The following ANKS1B variants were observed in gnomAD, a reference collection of about 807,000 sequenced individuals.
The protein encoded by ANKS1B is ankyrin repeat and sterile alpha motif domain-containing protein 1B.
In ANKS1B, 36 loss-of-function variants were observed where a neutral mutation model predicts 148.3. The ratio of observed to expected loss-of-function variants is 0.24; its 90% confidence interval spans 0.19 to 0.32. The LOEUF is 0.32. Among genes scored for constraint, ANKS1B ranks in the 10% least tolerant of loss-of-function variants. The pLI is 1.00. For synonymous variants in ANKS1B, 542 were observed against 560.8 expected (o/e 0.97, Z 0.47); for missense variants, 1,157 against 1,542.6 (o/e 0.75, Z 4.19).
intron 11 of ANKS1B, among the ~76,000 whole-genome samples, chr12:99,435,709 G>A (rs1199138861): frequency 1.3e-5 from 2 of 151,950 alleles, no homozygotes; most frequent in Admixed American, 6.6e-5. Flanking sequence ...ACAGAAGAAA[G>A]GTTGGAACTA....
intron 25 of ANKS1B, among the ~76,000 whole-genome samples, chr12:98,769,528 T>C (rs757960585): frequency 3.9e-5 from 6 of 152,130 alleles, no homozygotes; most frequent in Admixed American, 1.3e-4. Context: ...AAAAGATAAA[T>C]GTTAAGGCAA....
chr12:99,296,626 T>C (rs1461800583), intron 12 of ANKS1B, among the ~76,000 whole-genome samples: 5 of 152,174 alleles, frequency 3.3e-5, no homozygotes, highest in Non-Finnish European at 7.4e-5. Flanking sequence ...ACAGCATTAA[T>C]TATCATCAGA....
chr12:99,166,350 A>G (rs1371458426), intron 14 of ANKS1B, among the ~76,000 whole-genome samples: 1 of 151,942 alleles, frequency 6.6e-6, no homozygotes, highest in Admixed American at 6.6e-5. Context: ...CTATTCCCAC[A>G]TGACATGATT....
At chr12:99,409,517 G>C (rs894985547) in intron 11 of ANKS1B, among the ~76,000 whole-genome samples, 5 of 151,928 alleles carry the variant, frequency 3.3e-5, no homozygotes, top group Admixed American at 1.3e-4. Flanking sequence ...TGAATTATGG[G>C]TAATACAAAG....
chr12:98,934,329 C>T (rs1405995703), intron 17 of ANKS1B, among the ~76,000 whole-genome samples: 1 of 151,952 alleles, frequency 6.6e-6, no homozygotes, highest in East Asian at 1.9e-4. Context: ...TTTCTGGGCT[C>T]TTTATTCTAC....
intron 17 of ANKS1B, among the ~76,000 whole-genome samples, chr12:98,833,108 G>A (rs1002229585): frequency 3.9e-5 from 6 of 152,142 alleles, no homozygotes; most frequent in African/African-American, 1.4e-4. Flanking sequence ...CTCTCAAAGG[G>A]AACTGAGAAT....
At chr12:99,572,420 G>C (rs935348480) in intron 9 of ANKS1B, among the ~76,000 whole-genome samples, 20 of 152,120 alleles carry the variant, frequency 1.3e-4, no homozygotes, top group African/African-American at 4.8e-4. Context: ...ATGCCAGGCA[G>C]TCCAGTGGGT....
chr12:99,932,967 A>T (rs991432494), intron 1 of ANKS1B, among the ~76,000 whole-genome samples: 3 of 152,132 alleles, frequency 2.0e-5, no homozygotes, highest in African/African-American at 7.2e-5. Flanking sequence ...GTCCAGTTTC[A>T]TTCTTGTGCA....
At chr12:99,455,741 C>T (rs535505958) in intron 10 of ANKS1B, among the ~76,000 whole-genome samples, 2 of 152,116 alleles carry the variant, frequency 1.3e-5, no homozygotes, top group African/African-American at 4.8e-5. Context: ...TGCAACCCCA[C>T]CCCCAACAGT....
intron 17 of ANKS1B, among the ~76,000 whole-genome samples, chr12:98,930,324 G>A (rs147237425): frequency 6.6e-6 from 1 of 152,126 alleles, no homozygotes; most frequent in South Asian, 2.1e-4. Context: ...ACTCTCATAT[G>A]TTACTGGTGG....
At chr12:99,445,471 A>G (rs770744139) in intron 10 of ANKS1B, among the ~76,000 whole-genome samples, 4 of 152,002 alleles carry the variant, frequency 2.6e-5, no homozygotes, top group African/African-American at 4.8e-5. Flanking sequence ...CATGGAATGT[A>G]TAAATCGAGA....
intron 17 of ANKS1B, among the ~76,000 whole-genome samples, chr12:98,946,470 A>G (rs1192212259): frequency 6.6e-6 from 1 of 152,228 alleles, no homozygotes; most frequent in East Asian, 1.9e-4. Flanking sequence ...AGCAATGTGG[A>G]TTAAAAGAAC....
intron 17 of ANKS1B, among the ~76,000 whole-genome samples, chr12:98,841,613 T>C (rs1358456424): frequency 6.6e-6 from 1 of 152,212 alleles, no homozygotes; most frequent in Non-Finnish European, 1.5e-5. Flanking sequence ...TTACTTAGCC[T>C]AGCCAGCTAC....
intron 12 of ANKS1B, among the ~76,000 whole-genome samples, chr12:99,269,227 C>G (rs1016634554): frequency 1.3e-5 from 2 of 152,102 alleles, no homozygotes; most frequent in Non-Finnish European, 2.9e-5. Context: ...ATGCAGTTTT[C>G]GTTTTATATC....
intron 17 of ANKS1B, among the ~76,000 whole-genome samples, chr12:98,858,060 GCA>G: frequency 6.6e-6 from 1 of 152,168 alleles, no homozygotes; most frequent in South Asian, 2.1e-4. Context: ...AATGTTTGTC[GCA>G]CAGACAGGTT....
intron 1 of ANKS1B, among the ~76,000 whole-genome samples, chr12:99,946,674 A>G (rs1175193122): frequency 6.6e-6 from 1 of 152,194 alleles, no homozygotes; most frequent in African/African-American, 2.4e-5. Context: ...CACTTTGGCC[A>G]TGTGATTTGC....
chr12:99,629,462 GA>G (rs1376350035), intron 9 of ANKS1B, among the ~76,000 whole-genome samples: 1 of 152,040 alleles, frequency 6.6e-6, no homozygotes, highest in Non-Finnish European at 1.5e-5. Flanking sequence ...TTACACTATT[GA>G]GTAACACTTA....
chr12:99,672,157 T>C (rs2098541121), intron 8 of ANKS1B, among the ~76,000 whole-genome samples: 1 of 152,052 alleles, frequency 6.6e-6, no homozygotes, highest in Admixed American at 6.6e-5. Context: ...CTGAACCACA[T>C]CCTATCTAGC....
intron 17 of ANKS1B, among the ~76,000 whole-genome samples, chr12:98,954,688 A>G (rs1160153381): frequency 3.9e-5 from 6 of 152,182 alleles, no homozygotes; most frequent in Admixed American, 3.9e-4. Context: ...CCAGAGAGAA[A>G]TATGAGAACA....
Sources: allele counts gnomAD v4.1 joint callset (sites outside exome capture counted in the v4.1 genomes callset), GRCh38; gene constraint gnomAD v4.1.1; transcripts MANE v1.5; gene names NCBI Gene and HGNC (gene_info 2026-07-23, HGNC 2026-07-21).